The following AKAP9 variants were observed in gnomAD, a reference collection of about 807,000 sequenced individuals.
AKAP9 encodes A-kinase anchor protein 9.
In AKAP9, 311 loss-of-function variants were observed where a neutral mutation model predicts 488.5. The observed-to-expected ratio is 0.64, with a 90% confidence interval of 0.58 to 0.70. AKAP9 has a LOEUF of 0.70. Ranked by LOEUF, AKAP9 falls within the 30% of genes least tolerant of loss-of-function variation. The pLI, the probability that AKAP9 is intolerant of heterozygous loss-of-function variation, is 0.00. For synonymous variants in AKAP9, 1,462 were observed against 1,483.5 expected (o/e 0.99, Z 0.33); for missense variants, 4,215 against 4,374.5 (o/e 0.96, Z 1.03).
intron 5 of AKAP9, among the ~76,000 whole-genome samples, chr7:91,993,504 T>C (rs1029567166): frequency 6.6e-6 from 1 of 152,236 alleles, no homozygotes; most frequent in Admixed American, 6.5e-5. Context: ...CATGCACCTG[T>C]AGTTCTAGTT....
chr7:92,028,070 T>C (rs1803606410), intron 14 of AKAP9, among the ~76,000 whole-genome samples: 1 of 152,104 alleles, frequency 6.6e-6, no homozygotes, highest in African/African-American at 2.4e-5. Flanking sequence ...AGATGTGCTT[T>C]GTTAAACAGA....
chr7:91,955,473 C>A (rs1224130214), intron 1 of AKAP9, among the ~76,000 whole-genome samples: 1 of 152,124 alleles, frequency 6.6e-6, no homozygotes, highest in Non-Finnish European at 1.5e-5. Flanking sequence ...CTTTTCTATA[C>A]CACATATATG....
At chr7:91,981,579 C>T (rs1453779056) in intron 3 of AKAP9, among the ~76,000 whole-genome samples, 2 of 147,948 alleles carry the variant, frequency 1.4e-5, no homozygotes, top group Non-Finnish European at 3.0e-5. Flanking sequence ...CTTTATAATG[C>T]TCTAATTTTT....
Position 92,040,669 on chromosome 7 carries a change from T to A in AKAP9, c.4693-5T>A. 1 of 1,526,692 alleles carries A rather than the reference T, an allele frequency of 6.6e-7. No homozygotes were observed. The highest frequency in any genetic ancestry group is 1.2e-5 in the South Asian group (1 of 86,294). 94.6% of individuals were successfully genotyped at this position (1,526,692 alleles called of 1,614,324 possible). ...TTGTTTTTTTTTTTTTTTTTACTATTAAAGATTCATGATGAGATTTCAGTG... is the reference window on the plus strand; with the variant it reads ...TTGTTTTTTTTTTTTTTTTTACTATAAAAGATTCATGATGAGATTTCAGTG... On this transcript the variant is annotated splice_region_variant and splice_polypyrimidine_tract_variant and intron_variant, in intron 17 of 49. Coordinates refer to ENST00000356239, the MANE Select transcript of AKAP9 (RefSeq NM_005751.5).
chr7:92,082,670 A>G lies in AKAP9; in HGVS notation c.8160+8A>G, dbSNP rs749626346. 1.9e-6 allele frequency: 3 copies of G among 1,613,798 alleles called. No individual in the cohort carries two copies. Among genetic ancestry groups the G allele is most frequent in the African/African-American group, 2.7e-5 (2 of 75,054 alleles). ...CTTCAAGAAGAGCTTTTGGTAAGAT[A>G]AGTAACATAGCTCCTAATTCACTCA... On this transcript the variant is annotated splice_region_variant and intron_variant, in intron 32 of 49. Transcript: ENST00000356239.
chr7:92,073,292 C>T lies in AKAP9; in HGVS notation c.6612+2283C>T, dbSNP rs562512118. ...TGGGTGGATTACTAGGTCAGGAGAGCGAGACCATCCTGGCTAACATGGTGA... is the reference window on the plus strand; with the variant it reads ...TGGGTGGATTACTAGGTCAGGAGAGTGAGACCATCCTGGCTAACATGGTGA... On this transcript the variant is annotated intron_variant, in intron 28 of 49. Transcript: ENST00000356239. Among the ~76,000 whole-genome samples the T allele has an allele frequency of 1.3e-3, 191 of 150,308 alleles. 1 individual carries two copies. The South Asian group carries it at 0.013, about 10-fold the overall frequency.
Position 92,066,476 on chromosome 7 carries a change from T to C in AKAP9, c.6260T>C (p.Ile2087Thr). Residue 2087 changes from isoleucine to threonine, a missense_variant, in exon 26 of 50, where the codon ATA (isoleucine) becomes ACA (threonine). Ile to Thr is a moderately conservative substitution (Grantham distance 89). This residue lies in a region of AKAP9 where 2,361 missense variants were observed against 2,430.0 expected (regional missense o/e 0.97). Coordinates refer to ENST00000356239, the MANE Select transcript of AKAP9 (RefSeq NM_005751.5). ...EHERDVFQQE[I>T]QKLEQQLKVV... ...GAGAGAGATGTATTCCAACAGGAAA[T>C]ACAGAAACTAGAACAGCAACTTAAG... The C allele has an allele frequency of 6.2e-7, 1 of 1,613,452 alleles. No homozygotes were observed. Among genetic ancestry groups the C allele is most frequent in the Non-Finnish European group, 8.5e-7 (1 of 1,179,580 alleles).
chr7:91,966,462 A>T (rs1794454219), intron 1 of AKAP9, among the ~76,000 whole-genome samples: 1 of 152,200 alleles, frequency 6.6e-6, no homozygotes, highest in Admixed American at 6.5e-5. Context: ...CTTTTCTCAG[A>T]ATATATGGTC....
intron 1 of AKAP9, chr7:91,970,417 T>C: frequency 6.7e-6 from 3 of 448,240 alleles, no homozygotes; most frequent in South Asian, 1.6e-5. Context: ...ATTTTACTAG[T>C]GGGTTGTATA....
intron 1 of AKAP9, among the ~76,000 whole-genome samples, chr7:91,969,465 A>AT (rs1299810608): frequency 2.0e-5 from 3 of 151,704 alleles, no homozygotes; most frequent in East Asian, 3.9e-4. Flanking sequence ...GTTTTCTTTA[A>AT]TTTTCTCTTT....
Position 92,083,821 on chromosome 7 carries a change from A to G in AKAP9, c.8646+166A>G. The G allele has an allele frequency of 4.6e-6, 3 of 658,864 alleles. No homozygotes were observed. The South Asian group carries it at 5.9e-5, about 13-fold the overall frequency. The allele number at this position is 658,864 out of a possible 1,614,324, so 40.8% of individuals were successfully genotyped here. The stretch of plus-strand genomic sequence containing the variant: ...AGGCAAGTTTTAAACTCCTAGTACA[A>G]TATTCCTTTTTTTTCTTTTGTTATA... On this transcript the variant is annotated intron_variant, in intron 33 of 49. Transcript: ENST00000356239.
chr7:91,992,170 A>G lies in AKAP9; in HGVS notation c.364A>G (p.Ser122Gly). ...TGTTTTTATACAGGTAAATGGTTGC[A>G]GTTTTGTGATGAGAACAGGAAAGCC... ...DDCSSEVNGC[S>G]FVMRTGKPTN... Residue 122 changes from serine to glycine, a missense_variant, in exon 4 of 50, where the codon AGT (serine) becomes GGT (glycine). By Grantham distance (56) the Ser-to-Gly change is moderately conservative. This residue lies in a region of AKAP9 where 2,361 missense variants were observed against 2,430.0 expected (regional missense o/e 0.97). Transcript: ENST00000356239. 1 of 1,609,484 alleles carries G rather than the reference A, an allele frequency of 6.2e-7. No homozygotes were observed. The highest frequency in any genetic ancestry group is 8.5e-7 in the Non-Finnish European group (1 of 1,175,936).
intron 22 of AKAP9, among the ~76,000 whole-genome samples, chr7:92,054,681 G>C (rs1808491834): frequency 6.6e-6 from 1 of 151,990 alleles, no homozygotes; most frequent in South Asian, 2.1e-4. Context: ...TTTGATTTGA[G>C]GGGTAACTTG....
intron 14 of AKAP9, among the ~76,000 whole-genome samples, chr7:92,029,568 G>T (rs1205848651): frequency 2.0e-5 from 3 of 152,078 alleles, no homozygotes; most frequent in African/African-American, 7.2e-5. Flanking sequence ...GATCACTTGA[G>T]GCCAGGAGTT....
At chr7:92,086,500 G>T in intron 37 of AKAP9, 84 bp downstream of exon 37, 1 of 1,167,504 alleles carries the variant, frequency 8.6e-7, no homozygotes, top group Admixed American at 1.8e-5. Flanking sequence ...TAAGTATGAA[G>T]GTTAAGATTT....
rs869025356 is a variant in AKAP9, at chr7:92,102,772, C to T, written c.11276C>T (p.Pro3759Leu). 5 of 1,614,206 alleles carry T rather than the reference C, an allele frequency of 3.1e-6. No homozygotes were observed. The South Asian group carries it at 4.4e-5, about 14-fold the overall frequency. ...FTDLEVITNR[P>L]KGFTRFRSAV... ...GATCTAGAGGTGATCACCAATCGCC[C>T]AAAGGGCTTCACCAGGTTTCGGTCG... The change falls in exon 46 of 50, where the codon CCA (proline) becomes CTA (leucine). Residue 3759 changes from proline (P) to leucine (L), a missense_variant. Physicochemically the swap from Pro to Leu is moderately conservative, Grantham distance 98 (BLOSUM62 -3). This residue lies in a region of AKAP9 where 253 missense variants were observed against 266.8 expected (regional missense o/e 0.95). Transcript: ENST00000356239.
At chr7:92,095,423 T>G (rs1284408683) in intron 40 of AKAP9, among the ~76,000 whole-genome samples, 1 of 152,188 alleles carries the variant, frequency 6.6e-6, no homozygotes, top group Non-Finnish European at 1.5e-5. Context: ...TGCAACATGT[T>G]TTGGGCATGT....
chr7:91,967,652 G>A (rs958523085), intron 1 of AKAP9, among the ~76,000 whole-genome samples: 7 of 152,062 alleles, frequency 4.6e-5, no homozygotes, highest in Non-Finnish European at 7.4e-5. Context: ...GATGAATCCC[G>A]CTTGATCATG....
chr7:91,967,213 T>C (rs1464483093), intron 1 of AKAP9, among the ~76,000 whole-genome samples: 1 of 152,188 alleles, frequency 6.6e-6, no homozygotes, highest in African/African-American at 2.4e-5. Context: ...CTAACAGTTT[T>C]TGGTGGAGTC....
Sources: gnomAD v4.1 joint callset for allele counts (sites outside exome capture counted in the v4.1 genomes callset) on GRCh38, gnomAD v4.1.1 for gene constraint, gnomAD v4.1.1 regional missense constraint, MANE v1.5 for transcripts, NCBI Gene and HGNC (gene_info 2026-07-23, HGNC 2026-07-21) for gene names.